The following MLKL variants were observed in gnomAD, a reference collection of about 807,000 sequenced individuals.
MLKL encodes mixed lineage kinase domain like pseudokinase.
Under a neutral mutation model 56.5 loss-of-function variants are expected in MLKL, and 55 were observed. That is an observed-to-expected ratio of 0.97 (90% CI 0.78 to 1.22). The LOEUF is 1.22. MLKL is among the 50% of genes most tolerant of loss of function. The pLI is 0.00. For synonymous variants in MLKL, 251 were observed against 208.3 expected (o/e 1.20, Z -1.76); for missense variants, 694 against 573.9 (o/e 1.21, Z -2.14).
At position 74,681,559 on chromosome 16, in the gene MLKL, C is replaced by T. The variant is rs578164522; in HGVS notation, c.956+1092G>A. ...TTGTAATCCCAGCACTTTGGGAGGC[C>T]GAGACAGGTGGATCATGAGGTCAGG... is the stretch of plus-strand genomic sequence containing the variant. On this transcript the variant is annotated intron_variant, in intron 6 of 10. Coordinates refer to ENST00000308807, the MANE Select transcript of MLKL (RefSeq NM_152649.4). Among the ~76,000 whole-genome samples the T allele has an allele frequency of 1.1e-4, 17 of 150,974 alleles. No individual in the cohort carries two copies. The South Asian group carries it at 3.2e-3, about 28-fold the overall frequency.
chr16:74,677,266 G>C (rs1177595245), intron 7 of MLKL: 2 of 152,200 alleles, frequency 1.3e-5, no homozygotes, highest in Non-Finnish European at 2.9e-5. Context: ...TGTTAGCCAG[G>C]ATGGTCTCGA....
intron 7 of MLKL, chr16:74,678,116 G>GGA (rs1309675119): frequency 6.6e-6 from 1 of 152,300 alleles, no homozygotes; most frequent in African/African-American, 2.4e-5. Flanking sequence ...CCACCTAATG[G>GGA]GAGCCTCTTT....
Position 74,695,487 on chromosome 16 carries a change from C to G in MLKL, c.271G>C (p.Ala91Pro). 6.2e-7 allele frequency: 1 copy of G among 1,614,208 alleles called. No individual in the cohort carries two copies. Among genetic ancestry groups the G allele is most frequent in the Non-Finnish European group, 8.5e-7 (1 of 1,180,046 alleles). ...TTGAAGAGTATTTTGTCCTGGCTTG[C>G]TGTTAGAAACCTGCAGATATTGGAT... is the stretch of plus-strand genomic sequence containing the variant. ...NRSNICRFLT[A>P]SQDKILFKDV... Residue 91 changes from alanine to proline, a missense_variant, in exon 2 of 11, where the codon GCA becomes CCA. Physicochemically the swap from Ala to Pro is conservative, Grantham distance 27. Coordinates refer to ENST00000308807, the MANE Select transcript of MLKL (RefSeq NM_152649.4).
At chr16:74,696,100 C>G (rs1961027144) in intron 1 of MLKL, among the ~76,000 whole-genome samples, 1 of 152,202 alleles carries the variant, frequency 6.6e-6, no homozygotes, top group South Asian at 2.1e-4. Flanking sequence ...CACACTCTCC[C>G]TTGGTTGGCT....
chr16:74,700,046 A>G (rs951566978), intron 1 of MLKL, among the ~76,000 whole-genome samples: 3 of 152,184 alleles, frequency 2.0e-5, no homozygotes, highest in African/African-American at 7.2e-5. Flanking sequence ...GGTAATAACA[A>G]TGCAAATTCA....
chr16:74,693,356 T>A (rs1194800194), intron 2 of MLKL, among the ~76,000 whole-genome samples: 1 of 149,126 alleles, frequency 6.7e-6, no homozygotes, highest in Non-Finnish European at 1.5e-5. Context: ...TAATCCCAAC[T>A]ACTGGGGTGA....
At chr16:74,688,897 A>G (rs1207404450) in intron 4 of MLKL, among the ~76,000 whole-genome samples, 1 of 152,216 alleles carries the variant, frequency 6.6e-6, no homozygotes, top group Non-Finnish European at 1.5e-5. Context: ...TTGCTATAAT[A>G]TAGATGAACC....
chr16:74,684,450 A>AAT (rs1401836470), intron 5 of MLKL, among the ~76,000 whole-genome samples: 2 of 147,396 alleles, frequency 1.4e-5, no homozygotes, highest in Non-Finnish European at 3.0e-5. Flanking sequence ...AAAAAAAAAA[A>AAT]GAGCCTGTCA....
intron 7 of MLKL, 130 bp from the exon 8 acceptor site, chr16:74,675,894 TTCTG>T (rs1959567706): frequency 1.0e-6 from 1 of 1,000,324 alleles, no homozygotes; most frequent in Non-Finnish European, 1.5e-6. Context: ...CTGTCGTGAC[TTCTG>T]TCTGTGTGGC....
At position 74,695,493 on chromosome 16, in the gene MLKL, G is replaced by T; in HGVS notation, c.265C>A (p.Leu89Ile). The T allele has an allele frequency of 6.2e-7, 1 of 1,614,180 alleles. No homozygotes were observed. Among genetic ancestry groups the T allele is most frequent in the Non-Finnish European group, 8.5e-7 (1 of 1,180,036 alleles). The change falls in exon 2 of 11, where the codon CTA (leucine) becomes ATA (isoleucine). Residue 89 changes from leucine (L) to isoleucine (I), a missense_variant. Leu to Ile is a conservative substitution (Grantham distance 5). Transcript: ENST00000308807. ...AGTATTTTGTCCTGGCTTGCTGTTA[G>T]AAACCTGCAGATATTGGATCTATTG... ...FSNRSNICRF[L>I]TASQDKILFK...
In MLKL at chr16:74,696,954, CAT is replaced by C. The variant is rs536725623; in HGVS notation, c.-2-1197_-2-1196del. 4.6e-3 allele frequency among the ~76,000 whole-genome samples: 641 copies of C among 138,128 alleles called. 4 individuals carry two copies. Among genetic ancestry groups the C allele is most frequent in the African/African-American group, 0.018 (619 of 33,616 alleles). The allele number at this position is 138,128 out of a possible 152,430, so 90.6% of individuals were successfully genotyped here. ...ATATATAGTAATATATATAATATTA[CAT>C]ATATATAGTAATATATATGTAATAT... On this transcript the variant is annotated intron_variant, in intron 1 of 10. Transcript: ENST00000308807.
chr16:74,679,546 G>A (rs972520906), intron 6 of MLKL, among the ~76,000 whole-genome samples: 4 of 152,232 alleles, frequency 2.6e-5, no homozygotes, highest in East Asian at 1.9e-4. Context: ...GGTGGCTTGC[G>A]CTTATAATCC....
chr16:74,682,955 C>G (rs1023708285), intron 5 of MLKL, among the ~76,000 whole-genome samples, 169 bp from the exon 6 acceptor site: 6 of 151,994 alleles, frequency 3.9e-5, no homozygotes, highest in Non-Finnish European at 5.9e-5. Flanking sequence ...TTGAATGGAC[C>G]AAATATGCCC....
chr16:74,694,694 T>C (rs1441277590), intron 2 of MLKL, among the ~76,000 whole-genome samples: 3 of 152,108 alleles, frequency 2.0e-5, no homozygotes, highest in African/African-American at 7.2e-5. Flanking sequence ...CACTTGAACC[T>C]GAGGCTGCAG....
chr16:74,679,161 G>A (rs1959787788), intron 6 of MLKL, among the ~76,000 whole-genome samples, 181 bp from the exon 7 acceptor site: 1 of 152,170 alleles, frequency 6.6e-6, no homozygotes. Flanking sequence ...ATAGAACAGA[G>A]ATGAGATTCA....
chr16:74,676,317 A>G lies in MLKL; in HGVS notation c.1039-553T>C, dbSNP rs9923110. The G allele has an allele frequency of 1.5e-3, 1,484 of 986,056 alleles. 14 individuals are homozygous for G. The African/African-American group carries it at 0.024, about 16-fold the overall frequency. 61.1% of individuals were successfully genotyped at this position (986,056 alleles called of 1,614,324 possible). Reference sequence around the variant, plus strand: ...CGCGGTCACCTGGTGTTCTTAAAGAAACTGTAGCACAATCATGACAGCATA... The same window carrying G: ...CGCGGTCACCTGGTGTTCTTAAAGAGACTGTAGCACAATCATGACAGCATA... On this transcript the variant is annotated intron_variant, in intron 7 of 10. Coordinates refer to ENST00000308807, the MANE Select transcript of MLKL (RefSeq NM_152649.4).
chr16:74,697,331 G>C (rs1238184062), intron 1 of MLKL, among the ~76,000 whole-genome samples: 5 of 152,062 alleles, frequency 3.3e-5, no homozygotes, highest in African/African-American at 9.7e-5. Context: ...CTGACATGAA[G>C]TGTACCCCAT....
chr16:74,688,056 C>A (rs1295709245), intron 4 of MLKL, among the ~76,000 whole-genome samples: 1 of 152,164 alleles, frequency 6.6e-6, no homozygotes, highest in Non-Finnish European at 1.5e-5. Flanking sequence ...GATCTCCTGA[C>A]CTGGTGATCT....
intron 4 of MLKL, among the ~76,000 whole-genome samples, chr16:74,686,241 T>C (rs1449810766): frequency 6.6e-6 from 1 of 152,024 alleles, no homozygotes; most frequent in Non-Finnish European, 1.5e-5. Context: ...GGATTTCAGG[T>C]GTGAGTCACC....
Sources: allele counts gnomAD v4.1 joint callset (sites outside exome capture counted in the v4.1 genomes callset), GRCh38; gene constraint gnomAD v4.1.1; transcripts MANE v1.5; gene names NCBI Gene and HGNC (gene_info 2026-07-23, HGNC 2026-07-21).